Variants in DMD observed in about 807,000 individuals in gnomAD.
DMD encodes mutant dystrophin.
In DMD, 63 loss-of-function variants were observed where a neutral mutation model predicts 330.1. That is an observed-to-expected ratio of 0.19 (90% confidence interval 0.16 to 0.24). The LOEUF is 0.24. DMD is among the 10% of genes least tolerant of loss of function. DMD has a pLI of 1.00. For synonymous variants in DMD, 1,223 were observed against 959.8 expected (o/e 1.27, Z -5.07); for missense variants, 3,344 against 2,684.1 (o/e 1.25, Z -5.43).
chrX:31,833,918 G>A (rs755104430), intron 49 of DMD, among the ~76,000 whole-genome samples: 1 of 110,461 alleles, frequency 9.1e-6, no homozygotes, highest in Non-Finnish European at 1.9e-5. Context: ...TCTTTTTAAA[G>A]AATATCATTT....
chrX:32,567,746 T>C (rs2051904353), intron 15 of DMD, among the ~76,000 whole-genome samples: 1 of 112,242 alleles, frequency 8.9e-6, no homozygotes, highest in South Asian at 3.7e-4. Flanking sequence ...TTGTTAGTTT[T>C]CCATTAAATT....
At chrX:31,143,627 A>T (rs2147891200) in intron 76 of DMD, among the ~76,000 whole-genome samples, 1 of 112,244 alleles carries the variant, frequency 8.9e-6, no homozygotes, top group African/African-American at 3.2e-5. Context: ...ATTGGAATAT[A>T]GCACTTTTGT....
At chrX:32,693,281 T>A (rs1343071473) in intron 9 of DMD, among the ~76,000 whole-genome samples, 1 of 112,156 alleles carries the variant, frequency 8.9e-6, no homozygotes, top group African/African-American at 3.2e-5. Flanking sequence ...GTTTTAAACA[T>A]CTGAACTAAA....
At chrX:32,733,441 C>A (rs1226918791) in intron 7 of DMD, among the ~76,000 whole-genome samples, 1 of 110,559 alleles carries the variant, frequency 9.0e-6, no homozygotes, top group African/African-American at 3.4e-5. Flanking sequence ...ACTCTCCACC[C>A]CAAATCAACA....
At chrX:32,680,772 C>A (rs1355113486) in intron 9 of DMD, among the ~76,000 whole-genome samples, 3 of 110,031 alleles carry the variant, frequency 2.7e-5, no homozygotes, top group Non-Finnish European at 3.8e-5. Flanking sequence ...TCCTTCCACC[C>A]ACCCCAACCT....
intron 44 of DMD, among the ~76,000 whole-genome samples, chrX:32,082,389 CGGCTATCT>C (rs1460144059): frequency 3.2e-4 from 26 of 80,345 alleles, no homozygotes; most frequent in Admixed American, 1.5e-3. Flanking sequence ...CTACCTCGCC[CGGCTATCT>C]ATCTATCTAT....
At chrX:31,678,937 C>G (rs79761046) in intron 53 of DMD, among the ~76,000 whole-genome samples, 3 of 112,254 alleles carry the variant, frequency 2.7e-5, no homozygotes, top group Admixed American at 1.9e-4. Flanking sequence ...TACCTTGACT[C>G]AAAAGTCTAC....
At chrX:31,666,906 A>G (rs892728128) in intron 53 of DMD, among the ~76,000 whole-genome samples, 3 of 112,190 alleles carry the variant, frequency 2.7e-5, no homozygotes, top group Non-Finnish European at 5.6e-5. Context: ...CTATGTTTCT[A>G]AAACTGTGTT....
chrX:31,891,523 T>C (rs1569500944), intron 47 of DMD, among the ~76,000 whole-genome samples: 1 of 111,744 alleles, frequency 8.9e-6, no homozygotes, highest in Admixed American at 9.5e-5. Context: ...GAACTAACAA[T>C]TGTTTTAACA....
intron 2 of DMD, among the ~76,000 whole-genome samples, chrX:32,967,048 G>A (rs896647293): frequency 3.0e-4 from 33 of 111,694 alleles, no homozygotes; most frequent in Non-Finnish European, 5.8e-4. Flanking sequence ...TGGCTGGGCA[G>A]GATATGTACT....
chrX:31,906,642 A>G (rs193176612), intron 47 of DMD, among the ~76,000 whole-genome samples: 132 of 112,379 alleles, frequency 1.2e-3, no homozygotes, highest in African/African-American at 3.9e-3. Flanking sequence ...ACATCATAAC[A>G]TTGAGTGAAC....
chrX:32,489,132 G>T (rs1046480075), intron 20 of DMD, among the ~76,000 whole-genome samples: 2 of 110,925 alleles, frequency 1.8e-5, no homozygotes, highest in Non-Finnish European at 3.8e-5. Context: ...TGATTCCATT[G>T]TTTCATATCT....
chrX:32,526,881 A>G (rs970673701), intron 17 of DMD, among the ~76,000 whole-genome samples: 2 of 112,118 alleles, frequency 1.8e-5, no homozygotes, highest in African/African-American at 6.5e-5. Flanking sequence ...TGACTGCCAC[A>G]TAACCTATTA....
chrX:31,251,517 C>T lies in DMD; in HGVS notation c.9286+9438G>A, dbSNP rs185220580. On this transcript the variant is annotated intron_variant, in intron 63 of 78. Transcript: ENST00000357033. ...GGAATAGCAAATTTTGAAACATTCC[C>T]ACAGAATATCACCAATTCATAAATA... is the stretch of plus-strand genomic sequence containing the variant. Among the ~76,000 whole-genome samples, 403 of 111,840 alleles carry T rather than the reference C, an allele frequency of 3.6e-3. 1 individual carries two copies. The highest frequency in any genetic ancestry group is 5.5e-3 in the Non-Finnish European group (291 of 53,151).
intron 1 of DMD, among the ~76,000 whole-genome samples, chrX:33,057,937 G>A (rs2094537379): frequency 8.9e-6 from 1 of 111,904 alleles, no homozygotes; most frequent in South Asian, 3.7e-4. Context: ...GAAGTGCAGT[G>A]GCATGATCTC....
rs186187950 is a variant in DMD at position 32,679,421 on chromosome X, A to G, written c.960+18449T>C. Among the ~76,000 whole-genome samples, 328 of 111,659 alleles carry G rather than the reference A, an allele frequency of 2.9e-3. 3 individuals are homozygous for G. Among genetic ancestry groups the G allele is most frequent in the African/African-American group, 0.01 (318 of 30,757 alleles). On this transcript the variant is annotated intron_variant, in intron 9 of 78. Transcript: ENST00000357033. The stretch of plus-strand genomic sequence containing the variant: ...ATGCAATTCAGATTTAGTAAAGAAC[A>G]TTTACTGAATGGAAATTGTCACCCA...
At chrX:33,116,523 A>T (rs1011309744) in intron 1 of DMD, among the ~76,000 whole-genome samples, 1 of 111,502 alleles carries the variant, frequency 9.0e-6, no homozygotes, top group Non-Finnish European at 1.9e-5. Flanking sequence ...TGAGGTATTT[A>T]CAAAGAAATA....
intron 55 of DMD, among the ~76,000 whole-genome samples, chrX:31,519,133 C>T (rs2072518633): frequency 8.9e-6 from 1 of 111,996 alleles, no homozygotes; most frequent in South Asian, 3.7e-4. Context: ...TAAATGAACA[C>T]AATACACTCC....
intron 63 of DMD, among the ~76,000 whole-genome samples, chrX:31,241,630 T>C (rs1412112443): frequency 9.0e-6 from 1 of 111,646 alleles, no homozygotes; most frequent in Non-Finnish European, 1.9e-5. Context: ...CTTTAAAACC[T>C]GTCCAATCTG....
Sources: allele counts gnomAD v4.1 joint callset (sites outside exome capture counted in the v4.1 genomes callset), GRCh38; gene constraint gnomAD v4.1.1; transcripts MANE v1.5; gene names NCBI Gene and HGNC (gene_info 2026-07-23, HGNC 2026-07-21).